NFE2L2: variants seen among roughly 807,000 people sequenced by gnomAD.
NFE2L2 encodes the protein nuclear factor erythroid 2-related factor 2.
A neutral mutation model predicts 49.6 loss-of-function variants in NFE2L2; 20 were observed. That is an observed-to-expected ratio of 0.40 (90% confidence interval 0.28 to 0.59). The LOEUF is 0.59. Among genes scored for constraint, NFE2L2 ranks in the 20% least tolerant of loss-of-function variants. The pLI is 0.40. For missense variants in NFE2L2, 578 were observed against 714.2 expected, an observed-to-expected ratio of 0.81 and a Z score of 2.17; for synonymous variants, 244 against 256.5, an observed-to-expected ratio of 0.95 and a Z score of 0.47.
rs765285693 is a variant in NFE2L2 at position 177,231,393 on chromosome 2, C to G, written c.1210G>C (p.Val404Leu). The G allele has an allele frequency of 1.2e-6, 2 of 1,614,248 alleles. No homozygotes were observed. The highest frequency in any genetic ancestry group is 1.7e-6 in the Non-Finnish European group (2 of 1,180,048). Reference protein sequence around the residue: ...KTPVHSSGDMVQPLSPSQGQS... With the variant: ...KTPVHSSGDMLQPLSPSQGQS... ...CCCTGAGATGGTGACAAGGGTTGTA[C>G]CATATCCCCAGAAGAATGTACTGGT... is the stretch of plus-strand genomic sequence containing the variant. Residue 404 changes from valine (V) to leucine (L), a missense_variant, in exon 5 of 5, where the codon GTA (valine) becomes CTA (leucine). This residue lies in a region of NFE2L2 where 368 missense variants were observed against 384.6 expected (regional missense o/e 0.96). Coordinates refer to ENST00000397062, the MANE Select transcript of NFE2L2 (RefSeq NM_006164.5).
rs370697150 is a variant in NFE2L2 at position 177,231,812 on chromosome 2, T to C, written c.791A>G (p.Asn264Ser). 3.1e-6 allele frequency: 5 copies of C among 1,614,184 alleles called. No individual in the cohort carries two copies. The South Asian group carries it at 5.5e-5, about 18-fold the overall frequency. Residue 264 changes from asparagine to serine, a missense_variant, in exon 5 of 5, where the codon AAC (asparagine) becomes AGC (serine). Asn to Ser is a conservative substitution (Grantham distance 46). Coordinates refer to ENST00000397062, the MANE Select transcript of NFE2L2 (RefSeq NM_006164.5). ...FSSILSTEDP[N>S]QLTVNSLNSD... The stretch of plus-strand genomic sequence containing the variant: ...ATTTAATGAGTTCACTGTCAACTGG[T>C]TGGGGTCTTCTGTGGAGAGGATGCT...
chr2:177,248,222 C>T (rs182971839), intron 1 of NFE2L2, among the ~76,000 whole-genome samples: 190 of 152,264 alleles, frequency 1.2e-3, no homozygotes, highest in African/African-American at 4.5e-3. Flanking sequence ...ACCTGGTCAA[C>T]CTAACACAAA....
chr2:177,249,450 C>G (rs1225827593), intron 1 of NFE2L2, among the ~76,000 whole-genome samples: 1 of 152,038 alleles, frequency 6.6e-6, no homozygotes, highest in Admixed American at 6.6e-5. Flanking sequence ...ATTAGGTGAC[C>G]CCCAAGATCC....
At chr2:177,235,426 G>C (rs1018656730) in intron 1 of NFE2L2, among the ~76,000 whole-genome samples, 3 of 151,910 alleles carry the variant, frequency 2.0e-5, no homozygotes, top group African/African-American at 7.3e-5. Flanking sequence ...AACAAAGTGA[G>C]ACCCTGTCTC....
intron 1 of NFE2L2, among the ~76,000 whole-genome samples, chr2:177,250,262 TG>T (rs1666730635): frequency 1.3e-5 from 2 of 152,222 alleles, no homozygotes; most frequent in African/African-American, 4.8e-5. Flanking sequence ...CCTTAGGTGC[TG>T]GGAGGGTACT....
chr2:177,256,271 G>C (rs1412497008), intron 1 of NFE2L2, among the ~76,000 whole-genome samples: 1 of 152,040 alleles, frequency 6.6e-6, no homozygotes, highest in Non-Finnish European at 1.5e-5. Context: ...CTCTATTCTA[G>C]TCCCTCAGGC....
chr2:177,237,123 G>C (rs189307803), intron 1 of NFE2L2, among the ~76,000 whole-genome samples: 1 of 152,288 alleles, frequency 6.6e-6, no homozygotes, highest in East Asian at 1.9e-4. Flanking sequence ...GCTTCCCAAA[G>C]TGCTAGGATT....
intron 1 of NFE2L2, 126 bp downstream of exon 1, chr2:177,264,406 C>T (rs1339147611): frequency 7.9e-6 from 8 of 1,008,782 alleles, no homozygotes; most frequent in African/African-American, 1.7e-5. Context: ...CTACCCAGCG[C>T]CGCGGTCCTG....
At chr2:177,232,652 C>A in intron 3 of NFE2L2, 69 bp from the exon 4 acceptor site, 1 of 1,476,954 alleles carries the variant, frequency 6.8e-7, no homozygotes. Context: ...TAAGGCACCA[C>A]TACAAAACAA....
At chr2:177,247,684 C>CAAAAAAAAAA (rs57701650) in intron 1 of NFE2L2, among the ~76,000 whole-genome samples, 3 of 56,336 alleles carry the variant, frequency 5.3e-5, no homozygotes, top group Non-Finnish European at 7.7e-5. Flanking sequence ...CCCCACCCCG[C>CAAAAAAAAAA]AAAAAAAAAA....
chr2:177,244,293 ACT>A (rs1390220465), intron 1 of NFE2L2, among the ~76,000 whole-genome samples: 2 of 150,900 alleles, frequency 1.3e-5, no homozygotes, highest in African/African-American at 4.9e-5. Context: ...CAAGAGCAAA[ACT>A]CTGTCTCAAA....
At chr2:177,261,038 G>A (rs1462041727) in intron 1 of NFE2L2, among the ~76,000 whole-genome samples, 1 of 151,896 alleles carries the variant, frequency 6.6e-6, no homozygotes, top group Non-Finnish European at 1.5e-5. Context: ...TAGCCGGGCA[G>A]TGGGTGCCTA....
intron 1 of NFE2L2, among the ~76,000 whole-genome samples, chr2:177,244,910 G>A (rs1448244310): frequency 6.8e-6 from 1 of 146,514 alleles, no homozygotes; most frequent in Admixed American, 7.1e-5. Flanking sequence ...GGCTGAGGCA[G>A]GAGAATGGCG....
At chr2:177,233,209 T>G in intron 3 of NFE2L2, 41 bp downstream of exon 3, 2 of 1,441,812 alleles carry the variant, frequency 1.4e-6, no homozygotes, top group Non-Finnish European at 1.9e-6. Context: ...TTTATAGTTA[T>G]GATGGAGTTT....
At chr2:177,237,126 C>G (rs1689777313) in intron 1 of NFE2L2, among the ~76,000 whole-genome samples, 1 of 152,196 alleles carries the variant, frequency 6.6e-6, no homozygotes, top group African/African-American at 2.4e-5. Flanking sequence ...TCCCAAAGTG[C>G]TAGGATTACA....
intron 1 of NFE2L2, among the ~76,000 whole-genome samples, chr2:177,239,153 G>A (rs533060680): frequency 6.6e-6 from 1 of 152,216 alleles, no homozygotes; most frequent in East Asian, 1.9e-4. Flanking sequence ...AATAAGACAT[G>A]AAGCATTATT....
At chr2:177,251,282 C>T (rs1690328307) in intron 1 of NFE2L2, among the ~76,000 whole-genome samples, 1 of 152,214 alleles carries the variant, frequency 6.6e-6, no homozygotes. Context: ...AAGGACAAAG[C>T]CACCCAGGCC....
chr2:177,257,664 CGGAGG>C (rs1324047771), intron 1 of NFE2L2, among the ~76,000 whole-genome samples: 4 of 152,200 alleles, frequency 2.6e-5, no homozygotes, highest in African/African-American at 7.2e-5. Flanking sequence ...CTGCTGGCTG[CGGAGG>C]GGTCAGTGGC....
At chr2:177,251,922 C>T (rs748345118) in intron 1 of NFE2L2, among the ~76,000 whole-genome samples, 9 of 143,558 alleles carry the variant, frequency 6.3e-5, no homozygotes, top group African/African-American at 2.1e-4. Context: ...AGAAGAATGG[C>T]GTGAACCCGG....
Sources: gnomAD v4.1 joint callset for allele counts (sites outside exome capture counted in the v4.1 genomes callset) on GRCh38, gnomAD v4.1.1 for gene constraint, gnomAD v4.1.1 regional missense constraint, MANE v1.5 for transcripts, NCBI Gene and HGNC (gene_info 2026-07-23, HGNC 2026-07-21) for gene names.